Variants in CHRNA5 observed in about 807,000 individuals in gnomAD.
CHRNA5 encodes the protein cholinergic receptor nicotinic alpha 5 subunit.
A neutral mutation model predicts 41.2 loss-of-function variants in CHRNA5; 28 were observed. The observed-to-expected ratio is 0.68, with a 90% CI of 0.50 to 0.93. The LOEUF (loss-of-function observed/expected upper bound fraction) is 0.93, where lower values mean the gene tolerates loss of function less well. Ranked by LOEUF, CHRNA5 falls within the 40% of genes least tolerant of loss-of-function variation. The pLI, the probability that CHRNA5 is intolerant of heterozygous loss-of-function variation, is 0.00. For synonymous variants in CHRNA5, 188 were observed against 205.8 expected (o/e 0.91, Z 0.74); for missense variants, 481 against 581.9 (o/e 0.83, Z 1.78).
intron 4 of CHRNA5, 146 bp from the exon 5 acceptor site, chr15:78,589,659 G>A (rs1312244747): frequency 3.2e-6 from 2 of 626,414 alleles, no homozygotes; most frequent in Non-Finnish European, 5.4e-6. Flanking sequence ...TCCCTATGTA[G>A]CACGTATATC....
intron 1 of CHRNA5, among the ~76,000 whole-genome samples, chr15:78,576,814 CA>C (rs1438100743): frequency 6.9e-6 from 1 of 144,822 alleles, no homozygotes; most frequent in African/African-American, 2.5e-5. Context: ...AAAAAAAAAA[CA>C]AAAAAAGCAA....
chr15:78,582,512 G>A (rs968141862), intron 2 of CHRNA5, among the ~76,000 whole-genome samples: 36 of 151,162 alleles, frequency 2.4e-4, no homozygotes, highest in Admixed American at 2.1e-3. Flanking sequence ...AAAAGAAAAA[G>A]TAAGGTGGGT....
chr15:78,575,962 C>A (rs1260920654), intron 1 of CHRNA5, among the ~76,000 whole-genome samples: 4 of 152,128 alleles, frequency 2.6e-5, no homozygotes, highest in African/African-American at 7.2e-5. Context: ...TAATTTAGAT[C>A]TCTTGCCCAT....
exon 6 of CHRNA5, chr15:78,594,792 C>T (rs1168296717): frequency 6.6e-6 from 1 of 152,182 alleles, no homozygotes; most frequent in Admixed American, 6.5e-5. Flanking sequence ...AGTTTTCTCT[C>T]CTTCATTCTA....
exon 6 of CHRNA5, chr15:78,593,224 C>T (rs770782949): frequency 6.2e-7 from 1 of 1,612,002 alleles, no homozygotes; most frequent in Non-Finnish European, 8.5e-7. Flanking sequence ...TATATTAATA[C>T]CAGTTCATAT....
exon 6 of CHRNA5, chr15:78,595,216 C>T (rs2053082038): frequency 1.1e-6 from 1 of 890,258 alleles, no homozygotes; most frequent in South Asian, 5.2e-5. Context: ...CCTGATCCCT[C>T]TTATACTACC....
intron 2 of CHRNA5, among the ~76,000 whole-genome samples, chr15:78,582,412 G>A (rs1371121925): frequency 1.3e-5 from 2 of 151,624 alleles, no homozygotes; most frequent in Non-Finnish European, 2.9e-5. Flanking sequence ...TGAACCCTGG[G>A]AAGCAGAGGT....
Position 78,586,166 on chromosome 15 carries a change from AAG to A in CHRNA5, c.259-475_259-474del, listed in dbSNP as rs554689408. On this transcript the variant is annotated intron_variant, in intron 2 of 5. Coordinates refer to ENST00000299565, the Ensembl canonical transcript of CHRNA5. Reference sequence around the variant, plus strand: ...TCCCTCAGCAGAGGCAAATGACTGTAAGAGATGTCCCTCAGGGATGTACAGAA... The same window carrying A: ...TCCCTCAGCAGAGGCAAATGACTGTAAGATGTCCCTCAGGGATGTACAGAA... 2.3e-3 allele frequency among the ~76,000 whole-genome samples: 353 copies of A among 152,334 alleles called. 1 individual carries two copies. Among genetic ancestry groups the A allele is most frequent in the Non-Finnish European group, 4.3e-3 (293 of 68,032 alleles).
At chr15:78,577,088 A>T (rs943855717) in intron 1 of CHRNA5, among the ~76,000 whole-genome samples, 1 of 152,210 alleles carries the variant, frequency 6.6e-6, no homozygotes, top group African/African-American at 2.4e-5. Flanking sequence ...GTAAACATCA[A>T]TGTGGGCTAG....
exon 3 of CHRNA5, chr15:78,586,658 A>G: frequency 6.3e-7 from 1 of 1,592,172 alleles, no homozygotes; most frequent in Non-Finnish European, 8.6e-7. Context: ...GAGAAAAATC[A>G]GTTAATGACA....
intron 1 of CHRNA5, among the ~76,000 whole-genome samples, chr15:78,570,196 A>G (rs1292278167): frequency 6.6e-6 from 1 of 152,088 alleles, no homozygotes; most frequent in Non-Finnish European, 1.5e-5. Flanking sequence ...ATGATGAAAA[A>G]TGTTAATTTA....
intron 1 of CHRNA5, among the ~76,000 whole-genome samples, chr15:78,578,922 A>C (rs1329968089): frequency 6.6e-6 from 1 of 152,228 alleles, no homozygotes; most frequent in Admixed American, 6.5e-5. Context: ...GCCAGACAAC[A>C]GTGAAAACTC....
intron 2 of CHRNA5, among the ~76,000 whole-genome samples, chr15:78,583,731 C>T (rs1366377819): frequency 6.6e-6 from 1 of 151,268 alleles, no homozygotes. Flanking sequence ...TTCATTGTTA[C>T]GGGAGTAGGG....
Position 78,589,986 on chromosome 15 carries a change from GATATA to G in CHRNA5, c.598_602del (p.Ile200SerfsTer13). 1 of 1,614,164 alleles carries G rather than the reference GATATA, an allele frequency of 6.2e-7. No individual in the cohort carries two copies. The highest frequency in any genetic ancestry group is 8.5e-7 in the Non-Finnish European group (1 of 1,180,008). ...TTGGACTTATGATGGATCACAGGTT[GATATA>G]ATTCTAGAGGACCAAGATGTAGACA... On this transcript the variant is annotated frameshift_variant, in exon 5 of 6. Coordinates refer to ENST00000299565, the Ensembl canonical transcript of CHRNA5. LOFTEE classifies it high-confidence loss of function.
chr15:78,590,787 A>T, intron 5 of CHRNA5, 151 bp downstream of exon 5: 1 of 666,288 alleles, frequency 1.5e-6, no homozygotes, highest in Admixed American at 3.2e-5. Context: ...TCTATAAAAG[A>T]TCTTTACTAA....
chr15:78,590,518 A>T lies in CHRNA5; in HGVS notation c.1127A>T (p.Gln376Leu), dbSNP rs769498175. ...AGTCATGTAGACAGGTACTTCACTCAGAAAGAGGAAACTGAGAGTGGTAGT... is the reference window on the plus strand; with the variant it reads ...AGTCATGTAGACAGGTACTTCACTCTGAAAGAGGAAACTGAGAGTGGTAGT... The change falls in exon 5 of 6, where the codon CAG (glutamine) becomes CTG (leucine). Residue 376 changes from glutamine to leucine, a missense_variant. Transcript: ENST00000299565. The T allele has an allele frequency of 3.7e-6, 6 of 1,614,222 alleles. No individual in the cohort carries two copies. The South Asian group carries it at 6.6e-5, about 18-fold the overall frequency.
At position 78,590,857 on chromosome 15, in the gene CHRNA5, C is replaced by CTTCCCCCA. The variant is rs566141922; in HGVS notation, c.1245+223_1245+230dup. On this transcript the variant is annotated intron_variant, in intron 5 of 5. Transcript: ENST00000299565. ...CATTTACACAAATCTCACTTCTCCA[C>CTTCCCCCA]TTCCCCCATCAGCATCTTGGATAAC... 328 of 529,302 alleles carry CTTCCCCCA rather than the reference C, an allele frequency of 6.2e-4. 3 individuals are homozygous for CTTCCCCCA. In the East Asian group the frequency reaches 9.9e-3, roughly 16 times the overall value. 32.8% of individuals were successfully genotyped at this position (529,302 alleles called of 1,614,324 possible).
rs752072464 is a variant in CHRNA5 at position 78,588,294 on chromosome 15, C to T, written c.304-20C>T. On this transcript the variant is annotated intron_variant, in intron 3 of 5. Coordinates refer to ENST00000299565, the Ensembl canonical transcript of CHRNA5. The surrounding 1 kb of genome is among the most constrained non-coding windows in gnomAD (Gnocchi z 4.1). ...ACTATTAGTTTTATTGAAATTGAGG[C>T]AGATTTCTTTGTTTTAAAGGAATGG... 2 of 1,276,270 alleles carry T rather than the reference C, an allele frequency of 1.6e-6. No homozygotes were observed. Among genetic ancestry groups the T allele is most frequent in the East Asian group, 2.4e-5 (1 of 41,820 alleles). The allele number at this position is 1,276,270 out of a possible 1,614,324, so 79.1% of individuals were successfully genotyped here. A position where few individuals can be genotyped will look rare whatever the true frequency, so the allele number is the denominator to read the frequency against.
chr15:78,576,175 C>T (rs757784806), intron 1 of CHRNA5, among the ~76,000 whole-genome samples: 43 of 152,202 alleles, frequency 2.8e-4, no homozygotes, highest in Non-Finnish European at 4.7e-4. Context: ...GAGTTAGAGT[C>T]TCTCTCTGTC....
Sources: allele counts gnomAD v4.1 joint callset (sites outside exome capture counted in the v4.1 genomes callset), GRCh38; gene constraint gnomAD v4.1.1; non-coding constraint Gnocchi (gnomAD v3.1); transcripts MANE v1.5; gene names NCBI Gene and HGNC (gene_info 2026-07-23, HGNC 2026-07-21).